PARD3: variants seen among roughly 807,000 people sequenced by gnomAD.
PARD3 encodes partitioning defective 3 homolog.
In PARD3, 75 loss-of-function variants were observed where a neutral mutation model predicts 155.4. That is an observed-to-expected ratio of 0.48 (90% confidence interval 0.40 to 0.58). The LOEUF (loss-of-function observed/expected upper bound fraction) is 0.58, where lower values mean the gene tolerates loss of function less well. PARD3 is among the 20% of genes least tolerant of loss of function. PARD3 has a pLI of 0.00. For synonymous variants in PARD3, 576 were observed against 610.5 expected (o/e 0.94, Z 0.83); for missense variants, 1,642 against 1,721.7 (o/e 0.95, Z 0.82).
chr10:34,210,443 G>C (rs1588771007), intron 22 of PARD3, among the ~76,000 whole-genome samples: 2 of 152,162 alleles, frequency 1.3e-5, no homozygotes, highest in South Asian at 4.1e-4. Context: ...GCGATGGGGA[G>C]TATTTCTTTT....
chr10:34,525,373 C>T (rs2097534023), intron 2 of PARD3, among the ~76,000 whole-genome samples: 1 of 152,228 alleles, frequency 6.6e-6, no homozygotes. Context: ...ACTGGCTAAG[C>T]CAAGAATGGC....
At chr10:34,753,763 T>C (rs1836349929) in intron 1 of PARD3, among the ~76,000 whole-genome samples, 1 of 151,962 alleles carries the variant, frequency 6.6e-6, no homozygotes, top group Non-Finnish European at 1.5e-5. Flanking sequence ...AATCCAGCCA[T>C]GGAGAGAAGC....
At chr10:34,658,485 G>A (rs1564470559) in intron 2 of PARD3, among the ~76,000 whole-genome samples, 1 of 152,078 alleles carries the variant, frequency 6.6e-6, no homozygotes, top group Non-Finnish European at 1.5e-5. Flanking sequence ...GCGGCACCAG[G>A]GGCAGACGGT....
At chr10:34,646,483 A>T (rs1019333566) in intron 2 of PARD3, among the ~76,000 whole-genome samples, 1 of 152,198 alleles carries the variant, frequency 6.6e-6, no homozygotes, top group African/African-American at 2.4e-5. Flanking sequence ...TTCTCACTGC[A>T]AACAGATTAA....
intron 12 of PARD3, among the ~76,000 whole-genome samples, chr10:34,360,670 A>G (rs1589300980): frequency 6.6e-6 from 1 of 152,300 alleles, no homozygotes; most frequent in Non-Finnish European, 1.5e-5. Flanking sequence ...GAAATTCTGA[A>G]GTTATCAATA....
intron 1 of PARD3, among the ~76,000 whole-genome samples, chr10:34,780,895 C>G (rs568971188): frequency 9.2e-5 from 14 of 152,298 alleles, no homozygotes; most frequent in Middle Eastern, 3.4e-3. Context: ...TAAAAAGCAG[C>G]TGAAACTCAA....
chr10:34,746,353 G>A (rs1208363120), intron 1 of PARD3, among the ~76,000 whole-genome samples: 1 of 151,926 alleles, frequency 6.6e-6, no homozygotes, highest in Non-Finnish European at 1.5e-5. Context: ...GCAGGCTGAG[G>A]CGGGAGGATT....
intron 22 of PARD3, among the ~76,000 whole-genome samples, chr10:34,199,424 G>A (rs1024650040): frequency 6.6e-6 from 1 of 152,176 alleles, no homozygotes. Flanking sequence ...TGGAGCTGGT[G>A]TGAGGACTAA....
intron 3 of PARD3, among the ~76,000 whole-genome samples, chr10:34,478,659 T>C (rs1276800680): frequency 6.6e-6 from 1 of 152,196 alleles, no homozygotes; most frequent in East Asian, 1.9e-4. Context: ...TTATCCTGCC[T>C]CAGCCTTCCG....
At chr10:34,565,867 T>C (rs1427129865) in intron 2 of PARD3, among the ~76,000 whole-genome samples, 1 of 152,240 alleles carries the variant, frequency 6.6e-6, no homozygotes, top group Non-Finnish European at 1.5e-5. Context: ...TCATAATTTG[T>C]TCCATTTTTC....
At chr10:34,572,372 C>A (rs958511349) in intron 2 of PARD3, among the ~76,000 whole-genome samples, 6 of 152,094 alleles carry the variant, frequency 3.9e-5, no homozygotes, top group Admixed American at 2.0e-4. Flanking sequence ...GACACGATGG[C>A]TCACACCTGT....
Position 34,337,387 on chromosome 10 carries a change from T to C in PARD3, c.2448A>G (p.Gln816=), listed in dbSNP as rs778599567. 7 of 1,602,804 alleles carry C rather than the reference T, an allele frequency of 4.4e-6. No homozygotes were observed. Among genetic ancestry groups the C allele is most frequent in the African/African-American group, 1.3e-5 (1 of 74,344 alleles). The change falls in exon 17 of 25, where the codon CAA becomes CAG. Residue 816 remains glutamine, a synonymous_variant. Transcript: ENST00000374788. ...TACTCTGACGTCCAAATCCTTCTCG[T>C]TGAAAAGCAAGAACTGGATCAACAT... The part of the protein sequence containing the change: ...SPDVDPVLAF[Q]REGFGRQSMS...
chr10:34,190,100 G>T (rs1020513658), intron 22 of PARD3, among the ~76,000 whole-genome samples: 2 of 152,226 alleles, frequency 1.3e-5, no homozygotes, highest in Admixed American at 6.5e-5. Context: ...AGGTGCAAGA[G>T]AGATGAGCGG....
At chr10:34,385,322 G>T (rs1328224872) in intron 7 of PARD3, among the ~76,000 whole-genome samples, 3 of 152,028 alleles carry the variant, frequency 2.0e-5, no homozygotes, top group Non-Finnish European at 2.9e-5. Flanking sequence ...TTTTAGTAGA[G>T]CTGGGGTTTC....
intron 22 of PARD3, among the ~76,000 whole-genome samples, chr10:34,240,635 GT>G (rs1953522459): frequency 6.6e-6 from 1 of 152,080 alleles, no homozygotes; most frequent in African/African-American, 2.4e-5. Context: ...GTGAAAAGAA[GT>G]TGCTTTAAAA....
intron 22 of PARD3, among the ~76,000 whole-genome samples, chr10:34,248,426 C>T (rs1954096080): frequency 6.6e-6 from 1 of 152,188 alleles, no homozygotes. Flanking sequence ...TCTTTCAACC[C>T]CAATAGCTTC....
intron 1 of PARD3, among the ~76,000 whole-genome samples, chr10:34,792,555 A>G (rs1055530081): frequency 1.3e-5 from 2 of 152,244 alleles, no homozygotes; most frequent in Admixed American, 1.3e-4. Flanking sequence ...GTATTTCTTA[A>G]TAACAGCATT....
At chr10:34,765,838 A>C (rs11009926) in intron 1 of PARD3, among the ~76,000 whole-genome samples, 39,820 of 152,030 alleles carry the variant, frequency 0.26, 5,622 homozygotes, top group East Asian at 0.54. Flanking sequence ...CATTCTCAAC[A>C]ATTTTCATTT....
Position 34,111,120 on chromosome 10 carries a change from A to G in PARD3, c.*49T>C, listed in dbSNP as rs1588788017. The G allele has an allele frequency of 1.1e-5, 17 of 1,506,196 alleles. No homozygotes were observed. The highest frequency in any genetic ancestry group is 2.8e-5 in the South Asian group (2 of 72,256). 93.3% of individuals were successfully genotyped at this position (1,506,196 alleles called of 1,614,324 possible). ...AAACTCCCAAAATACAAGTCTTCATAGGAAAATGTCTTTTATTGCGCGACA... is the reference window on the plus strand; with the variant it reads ...AAACTCCCAAAATACAAGTCTTCATGGGAAAATGTCTTTTATTGCGCGACA... On this transcript the variant is annotated 3_prime_UTR_variant, in exon 25 of 25. Transcript: ENST00000374788.
Sources: gnomAD v4.1 joint callset for allele counts (sites outside exome capture counted in the v4.1 genomes callset) on GRCh38, gnomAD v4.1.1 for gene constraint, MANE v1.5 for transcripts, NCBI Gene and HGNC (gene_info 2026-07-23, HGNC 2026-07-21) for gene names.